Variants in PCDHGB5 observed in about 807,000 individuals in gnomAD.
PCDHGB5 encodes protocadherin gamma-B5.
Under a neutral mutation model 62.9 loss-of-function variants are expected in PCDHGB5, and 48 were observed. The observed-to-expected ratio is 0.76, with a 90% CI of 0.61 to 0.97. The LOEUF is 0.97. PCDHGB5 is among the 50% of genes least tolerant of loss of function. The probability of loss-of-function intolerance (pLI) is 0.00; values close to 1 mark genes in which losing one functional copy is unlikely to be tolerated. For missense variants in PCDHGB5, 1,118 were observed against 1,198.6 expected (o/e 0.93, Z 0.99); for synonymous variants, 474 against 511.2 (o/e 0.93, Z 0.98).
rs143252334 is a variant in PCDHGB5 at position 141,431,395 on chromosome 5, T to A, written c.2397+30871T>A. On this transcript the variant is annotated intron_variant, in intron 1 of 3. Transcript: ENST00000617380. The surrounding 1 kb of genome is among the most constrained non-coding windows in gnomAD (Gnocchi z 4.8). ...AAAAGGCTGCTCACCACCTGGTCCT[T>A]ACGGCCTCCGACGGGGGCGACCCGG... 2 of 1,613,720 alleles carry A rather than the reference T, an allele frequency of 1.2e-6. No individual in the cohort carries two copies. Among genetic ancestry groups the A allele is most frequent in the African/African-American group, 2.7e-5 (2 of 74,950 alleles).
At chr5:141,468,425 T>TA (rs2099167168) in intron 1 of PCDHGB5, 1 of 151,612 alleles carries the variant, frequency 6.6e-6, no homozygotes, top group Non-Finnish European at 1.5e-5. Context: ...GATAGCAAGG[T>TA]AATAGCAAAA....
chr5:141,449,724 A>AT (rs911465424), intron 1 of PCDHGB5, among the ~76,000 whole-genome samples: 1 of 151,176 alleles, frequency 6.6e-6, no homozygotes, highest in African/African-American at 2.4e-5. Context: ...ATATGATATG[A>AT]TTTTTTTATG....
chr5:141,421,799 A>G (rs778353620), intron 1 of PCDHGB5: 1 of 1,613,860 alleles, frequency 6.2e-7, no homozygotes, highest in South Asian at 1.1e-5. Flanking sequence ...GATGGGGCCA[A>G]GAATCCAGAG....
Position 141,491,589 on chromosome 5 carries a change from C to T in PCDHGB5, c.2398-3218C>T. 6.2e-7 allele frequency: 1 copy of T among 1,613,926 alleles called. No homozygotes were observed. The highest frequency in any genetic ancestry group is 8.5e-7 in the Non-Finnish European group (1 of 1,180,024). ...GGACGTGCTTTTCACCGGCCTCGGA[C>T]GGCAGTGACTTCACTTTTCTAAGAC... On this transcript the variant is annotated intron_variant, in intron 1 of 3. Transcript: ENST00000617380. This position sits in a 1 kb window ranked among gnomAD's most constrained non-coding sequence, Gnocchi z 6.9.
intron 1 of PCDHGB5, chr5:141,471,430 G>A (rs2099257545): frequency 6.6e-6 from 1 of 152,140 alleles, no homozygotes; most frequent in South Asian, 2.1e-4. Flanking sequence ...CAAGGAAAGT[G>A]TATAATCTCA....
At chr5:141,417,517 T>C (rs2096127273) in intron 1 of PCDHGB5, 1 of 255,788 alleles carries the variant, frequency 3.9e-6, no homozygotes, top group East Asian at 7.9e-5. Flanking sequence ...ATATTTTGGC[T>C]GTCAACTCGT....
rs762910422 is a variant in PCDHGB5, at chr5:141,485,747, C to T, written c.2398-9060C>T. ...GAAGCGCAGCGACGGCAGCCTGGTCCCAGAGCTGCTCCTGGAGAAGCCTTT... is the reference window on the plus strand; with the variant it reads ...GAAGCGCAGCGACGGCAGCCTGGTCTCAGAGCTGCTCCTGGAGAAGCCTTT... On this transcript the variant is annotated intron_variant, in intron 1 of 3. Coordinates refer to ENST00000617380, the MANE Select transcript of PCDHGB5 (RefSeq NM_018925.3). This position sits in a 1 kb window ranked among gnomAD's most constrained non-coding sequence, Gnocchi z 5.7. 1 of 1,614,162 alleles carries T rather than the reference C, an allele frequency of 6.2e-7. No individual in the cohort carries two copies.
At chr5:141,484,300 C>G (rs927710366) in intron 1 of PCDHGB5, among the ~76,000 whole-genome samples, 1 of 152,190 alleles carries the variant, frequency 6.6e-6, no homozygotes, top group Non-Finnish European at 1.5e-5. Context: ...CTCCTGGCTT[C>G]CTCCACCCCG....
intron 2 of PCDHGB5, among the ~76,000 whole-genome samples, chr5:141,497,642 C>T (rs1426920174): frequency 1.3e-5 from 2 of 151,352 alleles, no homozygotes; most frequent in Middle Eastern, 3.4e-3. Context: ...CAGGTTCAAG[C>T]GATTCTCCTG....
At chr5:141,415,264 C>G (rs1342050986) in intron 1 of PCDHGB5, 2 of 1,614,210 alleles carry the variant, frequency 1.2e-6, no homozygotes, top group Non-Finnish European at 1.7e-6. Flanking sequence ...CACTCTGTAC[C>G]TGGTGGTAGC....
In PCDHGB5 at chr5:141,485,990, C is replaced by T. The variant is rs1285988124; in HGVS notation, c.2398-8817C>T. 2.5e-6 allele frequency: 4 copies of T among 1,614,168 alleles called. No homozygotes were observed. The stretch of plus-strand genomic sequence containing the variant: ...CAATGCCTCAGACCCGGACCTGGGT[C>T]CCAGTGGTAACGTCACCTTTTATTT... On this transcript the variant is annotated intron_variant, in intron 1 of 3. Coordinates refer to ENST00000617380, the MANE Select transcript of PCDHGB5 (RefSeq NM_018925.3). This position sits in a 1 kb window ranked among gnomAD's most constrained non-coding sequence, Gnocchi z 5.7.
chr5:141,418,748 A>G, intron 1 of PCDHGB5: 7 of 1,613,954 alleles, frequency 4.3e-6, no homozygotes, highest in East Asian at 2.2e-5. Context: ...TCTGGATTAC[A>G]CTACAGGAAA....
At chr5:141,475,803 G>T in intron 1 of PCDHGB5, 1 of 319,920 alleles carries the variant, frequency 3.1e-6, no homozygotes, top group Non-Finnish European at 5.7e-6. Flanking sequence ...GAAGCCAAAG[G>T]AAAGTGAAGT....
chr5:141,458,409 G>A (rs188300064), intron 1 of PCDHGB5, among the ~76,000 whole-genome samples: 2 of 152,126 alleles, frequency 1.3e-5, no homozygotes, highest in East Asian at 1.9e-4. Context: ...GAGACGGAGC[G>A]GGGGTTCCAA....
intron 1 of PCDHGB5, chr5:141,422,528 C>T: frequency 5.0e-6 from 8 of 1,614,018 alleles, no homozygotes; most frequent in Non-Finnish European, 5.1e-6. Flanking sequence ...CCGCCTTTGT[C>T]TGCAGAAACT....
chr5:141,504,956 G>A (rs1327603937), intron 2 of PCDHGB5, among the ~76,000 whole-genome samples: 1 of 152,096 alleles, frequency 6.6e-6, no homozygotes, highest in Non-Finnish European at 1.5e-5. Context: ...TATGTTCAAT[G>A]CATTGGACCA....
chr5:141,499,682 C>T, intron 2 of PCDHGB5, among the ~76,000 whole-genome samples: 1 of 148,196 alleles, frequency 6.7e-6, no homozygotes, highest in South Asian at 2.1e-4. Flanking sequence ...CCATCTTTAA[C>T]AGATGACTTT....
intron 1 of PCDHGB5, among the ~76,000 whole-genome samples, chr5:141,454,796 ATTTTTTTTTTTTT>A (rs61612330): frequency 7.8e-5 from 6 of 77,408 alleles, no homozygotes; most frequent in African/African-American, 1.2e-4. Flanking sequence ...CATGGTTCTA[ATTTTTTTTTTTTT>A]TTTTTTTTTT....
At chr5:141,422,307 C>T in intron 1 of PCDHGB5, 4 of 1,547,552 alleles carry the variant, frequency 2.6e-6, no homozygotes, top group South Asian at 1.3e-5. Flanking sequence ...TTCTGGAAAA[C>T]TCTCCTCCAG....
Sources: gnomAD v4.1 joint callset for allele counts (sites outside exome capture counted in the v4.1 genomes callset) on GRCh38, gnomAD v4.1.1 for gene constraint, Gnocchi (gnomAD v3.1) non-coding constraint, MANE v1.5 for transcripts, NCBI Gene and HGNC (gene_info 2026-07-23, HGNC 2026-07-21) for gene names.